RAPGEF5: variants seen among roughly 807,000 people sequenced by gnomAD.
RAPGEF5 encodes the protein M-Ras-regulated GEF.
A neutral mutation model predicts 125.2 loss-of-function variants in RAPGEF5; 65 were observed. That is an observed-to-expected ratio of 0.52 (90% CI 0.43 to 0.64). The LOEUF is 0.64. RAPGEF5 is among the 30% of genes least tolerant of loss of function. RAPGEF5 has a pLI of 0.00. For missense variants in RAPGEF5, 958 were observed against 1,048.1 expected, an observed-to-expected ratio of 0.91 and a Z score of 1.19; for synonymous variants, 391 against 385.9, an observed-to-expected ratio of 1.01 and a Z score of -0.16.
At chr7:22,280,026 C>T (rs1345458182) in intron 6 of RAPGEF5, among the ~76,000 whole-genome samples, 3 of 151,984 alleles carry the variant, frequency 2.0e-5, no homozygotes, top group Admixed American at 6.6e-5. Flanking sequence ...ACAGGCCTCC[C>T]GAAAAGGTAG....
At chr7:22,248,400 A>G (rs1392194261) in intron 7 of RAPGEF5, among the ~76,000 whole-genome samples, 1 of 152,202 alleles carries the variant, frequency 6.6e-6, no homozygotes, top group Non-Finnish European at 1.5e-5. Flanking sequence ...TTCAGTGATG[A>G]AGCTGAGAAC....
Position 22,286,691 on chromosome 7 carries a change from G to A in RAPGEF5, c.747+4484C>T, listed in dbSNP as rs1296208630. ...TCCTAAATTTACATCCTTAAGAATT[G>A]TGGCTTTGAAAGTAATACATAATTC... On this transcript the variant is annotated intron_variant, in intron 6 of 25. Coordinates refer to ENST00000665637, the MANE Select transcript of RAPGEF5 (RefSeq NM_012294.5). Among the ~76,000 whole-genome samples the A allele has an allele frequency of 2.0e-5, 3 of 152,086 alleles. No individual in the cohort carries two copies. The East Asian group carries it at 5.8e-4, about 29-fold the overall frequency.
chr7:22,321,529 G>T (rs987450268), intron 1 of RAPGEF5, among the ~76,000 whole-genome samples: 11 of 152,164 alleles, frequency 7.2e-5, no homozygotes, highest in Non-Finnish European at 1.6e-4. Flanking sequence ...AAGTACTTAG[G>T]CTACTAAGGG....
intron 5 of RAPGEF5, among the ~76,000 whole-genome samples, chr7:22,294,241 G>A (rs1783000207): frequency 1.3e-5 from 2 of 152,166 alleles, no homozygotes; most frequent in Non-Finnish European, 2.9e-5. Context: ...ACATAAGACA[G>A]AAAGAGAAGA....
intron 14 of RAPGEF5, among the ~76,000 whole-genome samples, chr7:22,158,438 C>G (rs1392995933): frequency 6.6e-6 from 1 of 152,094 alleles, no homozygotes; most frequent in African/African-American, 2.4e-5. Flanking sequence ...GGAGCCAGTA[C>G]TGGGGCCAAT....
At chr7:22,345,825 C>T (rs541974050) in intron 1 of RAPGEF5, among the ~76,000 whole-genome samples, 3 of 151,788 alleles carry the variant, frequency 2.0e-5, no homozygotes, top group Non-Finnish European at 4.4e-5. Flanking sequence ...AGGGTTGCTG[C>T]CACTAAGTAC....
intron 1 of RAPGEF5, among the ~76,000 whole-genome samples, chr7:22,353,429 T>C (rs1784364663): frequency 6.6e-6 from 1 of 152,210 alleles, no homozygotes; most frequent in Non-Finnish European, 1.5e-5. Context: ...GTTTTTAATG[T>C]CCTTATCAGG....
rs560578328 is a variant in RAPGEF5, at chr7:22,290,146, T to C, written c.747+1029A>G. Among the ~76,000 whole-genome samples the C allele has an allele frequency of 5.3e-5, 8 of 152,346 alleles. No individual in the cohort carries two copies. In the East Asian group the frequency reaches 1.2e-3, roughly 22 times the overall value. On this transcript the variant is annotated intron_variant, in intron 6 of 25. Transcript: ENST00000665637. The stretch of plus-strand genomic sequence containing the variant: ...CTTTCAATCTTCAAGCTGTGCCCAG[T>C]TGACAAGACCTAGTGTATAAAACTC...
intron 6 of RAPGEF5, among the ~76,000 whole-genome samples, chr7:22,270,149 A>C (rs182628116): frequency 6.6e-6 from 1 of 152,338 alleles, no homozygotes; most frequent in Admixed American, 6.5e-5. Context: ...CGAACAATGA[A>C]TGTTAATTAC....
intron 1 of RAPGEF5, among the ~76,000 whole-genome samples, chr7:22,321,576 G>A (rs1212357102): frequency 2.6e-5 from 4 of 152,206 alleles, no homozygotes; most frequent in African/African-American, 7.2e-5. Context: ...AATCACTTCA[G>A]TCACTACAGA....
intron 1 of RAPGEF5, among the ~76,000 whole-genome samples, chr7:22,351,087 A>G (rs1185115907): frequency 6.6e-6 from 1 of 152,166 alleles, no homozygotes; most frequent in Non-Finnish European, 1.5e-5. Flanking sequence ...TGATCAAGTG[A>G]GCATGGCTGA....
chr7:22,321,471 C>T (rs1484368278), intron 1 of RAPGEF5, among the ~76,000 whole-genome samples: 1 of 152,114 alleles, frequency 6.6e-6, no homozygotes, highest in African/African-American at 2.4e-5. Flanking sequence ...GCACAGTTTC[C>T]ATCAGTTTTT....
chr7:22,151,166 G>A (rs908805346), intron 17 of RAPGEF5, among the ~76,000 whole-genome samples: 13 of 152,176 alleles, frequency 8.5e-5, no homozygotes, highest in South Asian at 6.2e-4. Flanking sequence ...GTACTGGCAC[G>A]GGGCCTGGCA....
intron 7 of RAPGEF5, among the ~76,000 whole-genome samples, chr7:22,266,026 T>C (rs1333043413): frequency 4.6e-5 from 7 of 152,178 alleles, no homozygotes; most frequent in Non-Finnish European, 7.4e-5. Context: ...AATATGAATG[T>C]AATAAGCTAA....
chr7:22,301,092 T>C (rs1220632641), intron 5 of RAPGEF5, among the ~76,000 whole-genome samples: 1 of 152,252 alleles, frequency 6.6e-6, no homozygotes. Flanking sequence ...TGCCTGCTTT[T>C]GTTTACTTTT....
At chr7:22,171,217 T>C (rs1223746901) in intron 11 of RAPGEF5, among the ~76,000 whole-genome samples, 1 of 152,208 alleles carries the variant, frequency 6.6e-6, no homozygotes, top group Non-Finnish European at 1.5e-5. Context: ...CCCTGAAGAC[T>C]ATTAGCCGAC....
At chr7:22,315,557 ATATATATATATT>A in intron 2 of RAPGEF5, 81 bp from the exon 3 acceptor site, 1 of 582,558 alleles carries the variant, frequency 1.7e-6, no homozygotes, top group Non-Finnish European at 2.2e-6. Flanking sequence ...CTATATATAT[ATATATATATATT>A]TATATATATT....
At chr7:22,158,470 T>C (rs1441063672) in intron 14 of RAPGEF5, among the ~76,000 whole-genome samples, 1 of 152,148 alleles carries the variant, frequency 6.6e-6, no homozygotes, top group African/African-American at 2.4e-5. Flanking sequence ...TTAGGTGAAC[T>C]ATAAATTAAA....
chr7:22,170,678 G>C (rs957904913), intron 11 of RAPGEF5, among the ~76,000 whole-genome samples: 2 of 152,168 alleles, frequency 1.3e-5, no homozygotes, highest in African/African-American at 4.8e-5. Context: ...TGGTTGGATG[G>C]TGGCAAACCC....
Sources: gnomAD v4.1 joint callset for allele counts (sites outside exome capture counted in the v4.1 genomes callset) on GRCh38, gnomAD v4.1.1 for gene constraint, MANE v1.5 for transcripts, NCBI Gene and HGNC (gene_info 2026-07-23, HGNC 2026-07-21) for gene names.